The following RNGTT variants were observed in gnomAD, a reference collection of about 807,000 sequenced individuals.
RNGTT encodes the protein RNA guanylyltransferase and 5'-phosphatase.
Under a neutral mutation model 79.3 loss-of-function variants are expected in RNGTT, and 33 were observed. The ratio of observed to expected loss-of-function variants is 0.42; its 90% confidence interval spans 0.32 to 0.56. The LOEUF (loss-of-function observed/expected upper bound fraction) is 0.56, where lower values mean the gene tolerates loss of function less well. RNGTT is among the 20% of genes least tolerant of loss of function. RNGTT has a pLI of 0.17. For synonymous variants in RNGTT, 222 were observed against 235.9 expected (o/e 0.94, Z 0.54); for missense variants, 497 against 739.1 (o/e 0.67, Z 3.80).
chr6:88,672,803 C>T (rs1342539573), intron 14 of RNGTT, among the ~76,000 whole-genome samples: 1 of 152,144 alleles, frequency 6.6e-6, no homozygotes, highest in East Asian at 1.9e-4. Flanking sequence ...TGCTGAAGTC[C>T]CAAGTTTACA....
At chr6:88,620,238 T>C (rs1772393649) in intron 14 of RNGTT, among the ~76,000 whole-genome samples, 1 of 152,214 alleles carries the variant, frequency 6.6e-6, no homozygotes, top group African/African-American at 2.4e-5. Flanking sequence ...ACGCAACTAA[T>C]GAAAGCAGTT....
rs1283889931 is a variant in RNGTT, at chr6:88,780,790, T to C, written c.1339-10916A>G. Among the ~76,000 whole-genome samples, 4 of 152,262 alleles carry C rather than the reference T, an allele frequency of 2.6e-5. 1 individual carries two copies. The South Asian group carries it at 8.3e-4, about 32-fold the overall frequency. The stretch of plus-strand genomic sequence containing the variant: ...TGACCAGATGAGAACAGAACCTGGC[T>C]TAGAGGTAGAAGATGGCCATATGCC... On this transcript the variant is annotated intron_variant, in intron 12 of 15. Transcript: ENST00000369485.
chr6:88,913,269 T>C (rs1356388611), intron 4 of RNGTT, among the ~76,000 whole-genome samples: 1 of 146,520 alleles, frequency 6.8e-6, no homozygotes, highest in Non-Finnish European at 1.5e-5. Context: ...CCCAGCCCAA[T>C]TCTACCAGAG....
Position 88,685,064 on chromosome 6 carries a change from TTC to T in RNGTT, c.1440-6647_1440-6646del, listed in dbSNP as rs528082445. Reference sequence around the variant, plus strand: ...TCTAAAAAGACTACATACTATATGATTCTAGCTATATGACATTCGGAAGAGGC... The same window carrying T: ...TCTAAAAAGACTACATACTATATGATTAGCTATATGACATTCGGAAGAGGC... On this transcript the variant is annotated intron_variant, in intron 13 of 15. Coordinates refer to ENST00000369485, the MANE Select transcript of RNGTT (RefSeq NM_003800.5). Among the ~76,000 whole-genome samples, 10 of 152,306 alleles carry T rather than the reference TTC, an allele frequency of 6.6e-5. No homozygotes were observed. The East Asian group carries it at 1.9e-3, about 29-fold the overall frequency.
At chr6:88,908,587 G>A (rs966054455) in intron 4 of RNGTT, among the ~76,000 whole-genome samples, 5 of 152,144 alleles carry the variant, frequency 3.3e-5, no homozygotes, top group African/African-American at 9.7e-5. Flanking sequence ...AGGGAGGGCT[G>A]AGTAAAGGAA....
Position 88,796,429 on chromosome 6 carries a change from A to G in RNGTT, c.1338+5135T>C, listed in dbSNP as rs143171362. On this transcript the variant is annotated intron_variant, in intron 12 of 15. Transcript: ENST00000369485. ...GTTAAGAAGCTACTGAAATAGGCTG[A>G]GTATAAAACAATTTGAGCCAAATCT... is the stretch of plus-strand genomic sequence containing the variant. 5.5e-3 allele frequency among the ~76,000 whole-genome samples: 835 copies of G among 152,278 alleles called. 8 individuals carry two copies. The highest frequency in any genetic ancestry group is 0.017 in the African/African-American group (722 of 41,538).
chr6:88,765,485 T>C (rs1000184197), intron 13 of RNGTT, among the ~76,000 whole-genome samples: 3 of 152,216 alleles, frequency 2.0e-5, no homozygotes, highest in African/African-American at 7.2e-5. Context: ...AAAGTAGTAT[T>C]ATTTTTTCAT....
intron 14 of RNGTT, among the ~76,000 whole-genome samples, chr6:88,643,231 A>G (rs1773393688): frequency 6.6e-6 from 1 of 152,156 alleles, no homozygotes; most frequent in Non-Finnish European, 1.5e-5. Context: ...GACACACACA[A>G]AAGAGAGCAT....
In RNGTT at chr6:88,929,891, T is replaced by TACATATGTATACATAC. The variant is rs1245015847; in HGVS notation, c.175-625_175-624insGTATGTATACATATGT. Among the ~76,000 whole-genome samples the TACATATGTATACATAC allele has an allele frequency of 1.8e-4, 27 of 150,912 alleles. 1 individual carries two copies. The highest frequency in any genetic ancestry group is 5.1e-4 in the African/African-American group (21 of 41,120). ...ATGCATATATACATACACACATATA[T>TACATATGTATACATAC]ACATATGTATACATATGCATATATA... On this transcript the variant is annotated intron_variant, in intron 2 of 15. Transcript: ENST00000369485.
intron 6 of RNGTT, among the ~76,000 whole-genome samples, chr6:88,892,334 T>C (rs1275805944): frequency 6.6e-6 from 1 of 152,056 alleles, no homozygotes; most frequent in Non-Finnish European, 1.5e-5. Context: ...AGACAGAATT[T>C]GAACAGGCCT....
chr6:88,677,979 CTT>C (rs34263662), intron 14 of RNGTT: 1,223 of 76,306 alleles, frequency 0.016, 6 homozygotes, highest in African/African-American at 0.051. Context: ...CTCACATTCA[CTT>C]TTTTTTTTTT....
intron 1 of RNGTT, among the ~76,000 whole-genome samples, chr6:88,946,210 C>CT (rs1305658263): frequency 6.6e-6 from 1 of 152,096 alleles, no homozygotes; most frequent in Non-Finnish European, 1.5e-5. Flanking sequence ...ATAGTTCAAG[C>CT]TTTTTTATTA....
chr6:88,928,846 A>T, intron 4 of RNGTT, 139 bp downstream of exon 4: 1 of 591,556 alleles, frequency 1.7e-6, no homozygotes, highest in South Asian at 2.5e-5. Context: ...TCACAAGTCA[A>T]TCTCTCATTT....
intron 12 of RNGTT, among the ~76,000 whole-genome samples, chr6:88,770,655 G>A (rs1023955749): frequency 2.6e-5 from 4 of 152,176 alleles, no homozygotes; most frequent in African/African-American, 7.2e-5. Context: ...AACTAGGAGA[G>A]TGGAATGACT....
chr6:88,821,817 A>G (rs1401845466), intron 11 of RNGTT, among the ~76,000 whole-genome samples: 2 of 151,822 alleles, frequency 1.3e-5, no homozygotes, highest in African/African-American at 4.8e-5. Context: ...TCTCTTACCT[A>G]TGACAAAACT....
At chr6:88,934,155 C>T (rs1332909141) in intron 2 of RNGTT, among the ~76,000 whole-genome samples, 1 of 152,104 alleles carries the variant, frequency 6.6e-6, no homozygotes, top group African/African-American at 2.4e-5. Context: ...ACCTCAGTCT[C>T]CTGAGTAGGT....
At position 88,736,297 on chromosome 6, in the gene RNGTT, G is replaced by C. The variant is rs142785195; in HGVS notation, c.1439+33477C>G. 4.6e-5 allele frequency among the ~76,000 whole-genome samples: 7 copies of C among 152,272 alleles called. No individual in the cohort carries two copies. In the East Asian group the frequency reaches 1.4e-3, roughly 29 times the overall value. ...TAATCTGTTTCAGAAAATAGAAGCA[G>C]AGAGGATACTTCCTAACTCATTCTA... On this transcript the variant is annotated intron_variant, in intron 13 of 15. Transcript: ENST00000369485.
intron 8 of RNGTT, among the ~76,000 whole-genome samples, chr6:88,867,390 C>T (rs1028792567): frequency 6.6e-6 from 1 of 151,776 alleles, no homozygotes; most frequent in Non-Finnish European, 1.5e-5. Context: ...GGCCGAGGCA[C>T]AAGAATCGCT....
intron 6 of RNGTT, among the ~76,000 whole-genome samples, chr6:88,893,331 ACAAAGAAAG>A (rs1427598083): frequency 6.6e-6 from 1 of 152,096 alleles, no homozygotes; most frequent in Non-Finnish European, 1.5e-5. Context: ...TAAGTTTTAC[ACAAAGAAAG>A]TCTCTAGCTT....
Sources: allele counts gnomAD v4.1 joint callset (sites outside exome capture counted in the v4.1 genomes callset), GRCh38; gene constraint gnomAD v4.1.1; transcripts MANE v1.5; gene names NCBI Gene and HGNC (gene_info 2026-07-23, HGNC 2026-07-21).